SCUBE2: variants seen among roughly 807,000 people sequenced by gnomAD.
SCUBE2 encodes the protein signal peptide, CUB domain and EGF like domain containing 2, also known as signal peptide, CUB and EGF-like domain-containing protein 2.
SCUBE2 carries 114 observed loss-of-function variants against 125.9 expected under a neutral mutation model. That is an observed-to-expected ratio of 0.91 (90% confidence interval 0.78 to 1.06). The LOEUF (loss-of-function observed/expected upper bound fraction) is 1.06, where lower values mean the gene tolerates loss of function less well. SCUBE2 is among the 50% of genes least tolerant of loss of function. The pLI is 0.00. For missense variants in SCUBE2, 1,255 were observed against 1,301.8 expected (o/e 0.96, Z 0.55); for synonymous variants, 459 against 492.9 (o/e 0.93, Z 0.91).
At chr11:9,032,619 G>A (rs559615954) in intron 17 of SCUBE2, among the ~76,000 whole-genome samples, 2 of 152,274 alleles carry the variant, frequency 1.3e-5, no homozygotes, top group East Asian at 3.9e-4. Flanking sequence ...TGTAATCCCA[G>A]CTTCTCTGGA....
At position 9,021,029 on chromosome 11, in the gene SCUBE2, T is replaced by C. The variant is rs769139485; in HGVS notation, c.*16A>G. On this transcript the variant is annotated 3_prime_UTR_variant, in exon 23 of 23. Transcript: ENST00000649792. ...CCTATAGCAGAACATTTGTATTGAG[T>C]GGCACGTGGGCTGAGTCATTTGTAA... is the stretch of plus-strand genomic sequence containing the variant. The C allele has an allele frequency of 1.1e-5, 18 of 1,608,738 alleles. No homozygotes were observed. In the South Asian group the frequency reaches 1.7e-4, roughly 15 times the overall value.
At chr11:9,084,162 A>G (rs1435227278) in intron 2 of SCUBE2, among the ~76,000 whole-genome samples, 1 of 152,202 alleles carries the variant, frequency 6.6e-6, no homozygotes, top group Non-Finnish European at 1.5e-5. Context: ...AAAGTTAGGA[A>G]GTCCTCAAAA....
At position 9,069,647 on chromosome 11, in the gene SCUBE2, C is replaced by T. The variant is rs1044212248; in HGVS notation, c.518-152G>A. On this transcript the variant is annotated intron_variant, in intron 4 of 22. Transcript: ENST00000649792. ...GAAAAGTATATGTCATTAAAGTCAACCTAGGCCAATTAATAGACATGAAAA... is the reference window on the plus strand; with the variant it reads ...GAAAAGTATATGTCATTAAAGTCAATCTAGGCCAATTAATAGACATGAAAA... 4 of 955,868 alleles carry T rather than the reference C, an allele frequency of 4.2e-6. No individual in the cohort carries two copies. In the African/African-American group the frequency reaches 5.0e-5, roughly 12 times the overall value. The allele number at this position is 955,868 out of a possible 1,614,324, so 59.2% of individuals were successfully genotyped here. A position where few individuals can be genotyped will look rare whatever the true frequency, so the allele number is the denominator to read the frequency against.
intron 16 of SCUBE2, among the ~76,000 whole-genome samples, chr11:9,039,618 G>C (rs1024068612): frequency 1.3e-5 from 2 of 152,088 alleles, no homozygotes; most frequent in African/African-American, 4.8e-5. Context: ...CACCGGGTGG[G>C]AGCACGTTTC....
At position 9,053,158 on chromosome 11, in the gene SCUBE2, T is replaced by C. The variant is rs1858601745; in HGVS notation, c.1388A>G (p.Lys463Arg). 2 of 1,614,200 alleles carry C rather than the reference T, an allele frequency of 1.2e-6. No individual in the cohort carries two copies. Among genetic ancestry groups the C allele is most frequent in the Non-Finnish European group, 1.7e-6 (2 of 1,180,028 alleles). The change falls in exon 12 of 23, where the codon AAG (lysine) becomes AGG (arginine). Residue 463 changes from lysine (K) to arginine (R), a missense_variant. Physicochemically the swap from Lys to Arg is conservative, Grantham distance 26. Coordinates refer to ENST00000649792, the MANE Select transcript of SCUBE2 (RefSeq NM_001367977.2). ...GAAGCACCCGTCTCCTCCACCACTC[T>C]TACCGCAGTGCAGGGACACACGGGG... ...VSPRVSLHCG[K>R]SGGGDGCFLR...
chr11:9,068,698 CCT>C (rs1415549163), intron 5 of SCUBE2, among the ~76,000 whole-genome samples: 2 of 152,204 alleles, frequency 1.3e-5, no homozygotes, highest in African/African-American at 4.8e-5. Flanking sequence ...CCACTCACTC[CCT>C]GTGTGACCTT....
intron 7 of SCUBE2, chr11:9,064,854 TC>T (rs1483237200): frequency 2.0e-5 from 3 of 152,098 alleles, no homozygotes; most frequent in Non-Finnish European, 4.4e-5. Flanking sequence ...CCAGACTTTC[TC>T]CAGAAGGAGT....
At chr11:9,067,444 A>T (rs1860359308) in intron 5 of SCUBE2, among the ~76,000 whole-genome samples, 1 of 152,252 alleles carries the variant, frequency 6.6e-6, no homozygotes, top group South Asian at 2.1e-4. Context: ...CTGGCAAGGG[A>T]AACGGGAGGC....
At chr11:9,090,489 A>ATTTATT (rs377724235) in intron 1 of SCUBE2, 2 of 141,898 alleles carry the variant, frequency 1.4e-5, no homozygotes, top group African/African-American at 5.1e-5. Flanking sequence ...TTATTTATTT[A>ATTTATT]TTTTTTTTTT....
chr11:9,079,321 A>C, intron 3 of SCUBE2, 63 bp downstream of exon 3: 1 of 1,601,526 alleles, frequency 6.2e-7, no homozygotes. Flanking sequence ...GGAGGTCTTC[A>C]CCAAGGGAAA....
intron 14 of SCUBE2, chr11:9,050,118 G>A (rs556916351): frequency 6.5e-6 from 1 of 154,184 alleles, no homozygotes; most frequent in South Asian, 2.0e-4. Context: ...GTTCTACTTG[G>A]ATGGTATTTG....
In SCUBE2 at chr11:9,055,897, C is replaced by T; in HGVS notation, c.1103G>A (p.Cys368Tyr). The part of the protein sequence containing the change: ...DEKSCQDVDE[C>Y]SLDRTCDHSC... ...GTGGTCACAGGTCCTATCCAAAGAG[C>T]ACTCATCCACATCTGTAATGGTCAA... Residue 368 changes from cysteine (C) to tyrosine (Y), a missense_variant, in exon 10 of 23, where the codon TGC becomes TAC. Coordinates refer to ENST00000649792, the MANE Select transcript of SCUBE2 (RefSeq NM_001367977.2). The T allele has an allele frequency of 6.2e-7, 1 of 1,614,090 alleles. No individual in the cohort carries two copies. Among genetic ancestry groups the T allele is most frequent in the East Asian group, 2.2e-5 (1 of 44,894 alleles).
At position 9,059,320 on chromosome 11, in the gene SCUBE2, T is replaced by C. The variant is rs1334463861; in HGVS notation, c.1073A>G (p.Asp358Gly). 3.1e-6 allele frequency: 5 copies of C among 1,614,078 alleles called. No homozygotes were observed. The highest frequency in any genetic ancestry group is 4.2e-6 in the Non-Finnish European group (5 of 1,180,034). Residue 358 changes from aspartate (D) to glycine (G), a missense_variant, in exon 9 of 23, where the codon GAT (aspartate) becomes GGT (glycine). Physicochemically the swap from Asp to Gly is moderately conservative, Grantham distance 94 (BLOSUM62 -1). Transcript: ENST00000649792. The part of the protein sequence containing the change: ...GCKKGFKLLT[D>G]EKSCQDVDEC... ...GCACATACCTTGGCAAGACTTCTCA[T>C]CTGTTAATAATTTAAATCCTTTCTT...
At chr11:9,088,009 T>C (rs539327897) in intron 2 of SCUBE2, among the ~76,000 whole-genome samples, 101 of 152,372 alleles carry the variant, frequency 6.6e-4, no homozygotes, top group South Asian at 3.9e-3. Context: ...ACACAATCAC[T>C]TATTCAAAAA....
intron 4 of SCUBE2, among the ~76,000 whole-genome samples, chr11:9,073,334 A>C (rs1041939386): frequency 4.6e-5 from 7 of 152,144 alleles, no homozygotes; most frequent in Non-Finnish European, 8.8e-5. Flanking sequence ...AGTATGTGTG[A>C]CTTCCCCGCC....
intron 4 of SCUBE2, among the ~76,000 whole-genome samples, chr11:9,071,564 G>T (rs1000430695): frequency 6.6e-6 from 1 of 152,188 alleles, no homozygotes; most frequent in Non-Finnish European, 1.5e-5. Context: ...CCCAGCAAAT[G>T]GCCCTAGCTC....
At chr11:9,090,986 GC>G (rs1862642030) in intron 1 of SCUBE2, among the ~76,000 whole-genome samples, 1 of 152,154 alleles carries the variant, frequency 6.6e-6, no homozygotes, top group African/African-American at 2.4e-5. Flanking sequence ...GAACTTGCCG[GC>G]CCCCAAAGAA....
chr11:9,050,660 A>G lies in SCUBE2; in HGVS notation c.1585T>C (p.Cys529Arg), dbSNP rs1485641318. ...AACAGCTCAGCATTTTTCAAACTACACTTGCCTTCATTTAGCTTAAAGGTT... is the reference window on the plus strand; with the variant it reads ...AACAGCTCAGCATTTTTCAAACTACGCTTGCCTTCATTTAGCTTAAAGGTT... Reference protein sequence around the residue: ...SVTFKLNEGKCSLKNAELFPE... With the variant: ...SVTFKLNEGKRSLKNAELFPE... Residue 529 changes from cysteine to arginine, a missense_variant, in exon 14 of 23, where the codon TGT (cysteine) becomes CGT (arginine). This residue lies in a region of SCUBE2 where 378 missense variants were observed against 463.1 expected (regional missense o/e 0.82). Transcript: ENST00000649792. 6.2e-7 allele frequency: 1 copy of G among 1,614,232 alleles called. No homozygotes were observed. Among genetic ancestry groups the G allele is most frequent in the Admixed American group, 1.7e-5 (1 of 60,030 alleles).
intron 13 of SCUBE2, 51 bp downstream of exon 13, chr11:9,052,695 C>A: frequency 7.6e-7 from 1 of 1,314,314 alleles, no homozygotes; most frequent in South Asian, 1.3e-5. Flanking sequence ...GTGAATGAAG[C>A]CCCTTGAACA....
Sources: allele counts gnomAD v4.1 joint callset (sites outside exome capture counted in the v4.1 genomes callset), GRCh38; gene constraint gnomAD v4.1.1; regional missense constraint gnomAD v4.1.1; transcripts MANE v1.5; gene names NCBI Gene and HGNC (gene_info 2026-07-23, HGNC 2026-07-21).